FRMD4A: variants seen among roughly 807,000 people sequenced by gnomAD.
FRMD4A encodes FERM domain-containing protein 4A.
Under a neutral mutation model 129.1 loss-of-function variants are expected in FRMD4A, and 29 were observed. That is an observed-to-expected ratio of 0.22 (90% CI 0.17 to 0.31). The LOEUF (loss-of-function observed/expected upper bound fraction) is 0.31. Ranked by LOEUF, FRMD4A falls within the 10% of genes least tolerant of loss-of-function variation. The pLI is 1.00. For missense variants in FRMD4A, 1,272 were observed against 1,375.8 expected (o/e 0.92, Z 1.19); for synonymous variants, 634 against 571.6 (o/e 1.11, Z -1.56).
chr10:13,734,369 T>C (rs1170209255), intron 12 of FRMD4A, among the ~76,000 whole-genome samples: 1 of 152,114 alleles, frequency 6.6e-6, no homozygotes, highest in Non-Finnish European at 1.5e-5. Flanking sequence ...CTCCTCAGCT[T>C]CAAATAGACC....
intron 2 of FRMD4A, among the ~76,000 whole-genome samples, chr10:13,955,068 T>C (rs1275349364): frequency 1.3e-5 from 2 of 151,090 alleles, no homozygotes; most frequent in Admixed American, 1.3e-4. Flanking sequence ...TTGTCTATGG[T>C]AAGGTAGTCT....
At chr10:13,708,319 C>T (rs1487835602) in intron 12 of FRMD4A, among the ~76,000 whole-genome samples, 6 of 152,180 alleles carry the variant, frequency 3.9e-5, no homozygotes, top group Admixed American at 1.3e-4. Flanking sequence ...CCCTGTCTTC[C>T]CAGGCTGGGG....
intron 2 of FRMD4A, among the ~76,000 whole-genome samples, chr10:14,280,465 C>G (rs1845481391): frequency 6.6e-6 from 1 of 152,070 alleles, no homozygotes. Context: ...TCTCTTAGAC[C>G]TACCAGGGGC....
At chr10:13,801,535 G>C (rs2093254621) in intron 4 of FRMD4A, among the ~76,000 whole-genome samples, 1 of 152,178 alleles carries the variant, frequency 6.6e-6, no homozygotes, top group South Asian at 2.1e-4. Flanking sequence ...CACTTTAAAG[G>C]CTTGTAGAAG....
chr10:13,691,672 G>A (rs752450967), intron 15 of FRMD4A, among the ~76,000 whole-genome samples: 2 of 152,188 alleles, frequency 1.3e-5, no homozygotes, highest in Admixed American at 6.5e-5. Flanking sequence ...AAGTGGTTTC[G>A]ATGCACGCCG....
intron 2 of FRMD4A, among the ~76,000 whole-genome samples, chr10:14,270,556 G>T (rs992387102): frequency 6.6e-6 from 1 of 152,098 alleles, no homozygotes; most frequent in Non-Finnish European, 1.5e-5. Flanking sequence ...GAAGTCAGTC[G>T]GCCTGCTGCA....
intron 3 of FRMD4A, among the ~76,000 whole-genome samples, chr10:13,841,881 AC>A (rs781331961): frequency 6.6e-6 from 1 of 152,144 alleles, no homozygotes; most frequent in African/African-American, 2.4e-5. Flanking sequence ...GGGACCCCCA[AC>A]CTTGCAGCTG....
At chr10:13,831,549 G>T (rs760967258) in intron 3 of FRMD4A, among the ~76,000 whole-genome samples, 2 of 152,210 alleles carry the variant, frequency 1.3e-5, no homozygotes, top group Non-Finnish European at 2.9e-5. Flanking sequence ...ACTGTTGTGG[G>T]ATCAGGACCC....
At chr10:14,007,988 G>A (rs981280175) in intron 2 of FRMD4A, 2 of 1,278,658 alleles carry the variant, frequency 1.6e-6, no homozygotes, top group African/African-American at 3.1e-5. Flanking sequence ...AAGTAACGCG[G>A]TATACAATGA....
At chr10:13,703,105 T>C (rs2134883225) in intron 13 of FRMD4A, among the ~76,000 whole-genome samples, 1 of 152,236 alleles carries the variant, frequency 6.6e-6, no homozygotes, top group Middle Eastern at 3.4e-3. Context: ...TGACTTTTTT[T>C]TCCCCCCAGA....
chr10:13,928,133 A>C (rs2095154873), intron 2 of FRMD4A, among the ~76,000 whole-genome samples: 1 of 149,086 alleles, frequency 6.7e-6, no homozygotes, highest in Non-Finnish European at 1.5e-5. Context: ...CAATCCTCCT[A>C]CCTCAGCCTC....
At chr10:14,014,105 T>G (rs1420823421) in intron 2 of FRMD4A, among the ~76,000 whole-genome samples, 1 of 151,708 alleles carries the variant, frequency 6.6e-6, no homozygotes, top group Non-Finnish European at 1.5e-5. Flanking sequence ...GATTTGGAGG[T>G]GGAGACACAC....
intron 2 of FRMD4A, among the ~76,000 whole-genome samples, chr10:14,213,837 T>A (rs114672900): frequency 0.011 from 1,692 of 152,320 alleles, 29 homozygotes; most frequent in African/African-American, 0.038. Flanking sequence ...GTTTACCCCA[T>A]AAAGTTCTCA....
intron 2 of FRMD4A, among the ~76,000 whole-genome samples, chr10:14,213,330 T>C (rs953782216): frequency 3.3e-5 from 5 of 152,200 alleles, no homozygotes; most frequent in African/African-American, 7.2e-5. Context: ...ATTCCACATG[T>C]ACTATGGACC....
chr10:14,273,514 ATTTTT>A (rs998112284), intron 2 of FRMD4A, among the ~76,000 whole-genome samples: 3 of 151,668 alleles, frequency 2.0e-5, no homozygotes, highest in African/African-American at 7.3e-5. Flanking sequence ...TAAGCTGATG[ATTTTT>A]TTTTAAGTGA....
At chr10:13,923,728 G>C (rs913217793) in intron 2 of FRMD4A, among the ~76,000 whole-genome samples, 3 of 152,124 alleles carry the variant, frequency 2.0e-5, no homozygotes, top group African/African-American at 7.2e-5. Context: ...TTATACATAA[G>C]CAGTTGATCT....
At chr10:13,828,558 G>C (rs1343409941) in intron 3 of FRMD4A, among the ~76,000 whole-genome samples, 1 of 135,618 alleles carries the variant, frequency 7.4e-6, no homozygotes, top group African/African-American at 2.8e-5. Context: ...TTGAGACGGA[G>C]TTTCACTCTT....
At chr10:13,913,332 T>C (rs1341571067) in intron 2 of FRMD4A, among the ~76,000 whole-genome samples, 1 of 152,164 alleles carries the variant, frequency 6.6e-6, no homozygotes. Flanking sequence ...GGATCTCTTT[T>C]TGGGGTGGTA....
chr10:14,072,730 T>C (rs958515282), intron 2 of FRMD4A, among the ~76,000 whole-genome samples: 2 of 152,228 alleles, frequency 1.3e-5, no homozygotes, highest in Non-Finnish European at 2.9e-5. Flanking sequence ...AAGCTTTTTG[T>C]CTGCAATCAT....
Sources: allele counts gnomAD v4.1 joint callset (sites outside exome capture counted in the v4.1 genomes callset), GRCh38; gene constraint gnomAD v4.1.1; transcripts MANE v1.5; gene names NCBI Gene and HGNC (gene_info 2026-07-23, HGNC 2026-07-21).